RTEL1: variants seen among roughly 807,000 people sequenced by gnomAD.
The protein encoded by RTEL1 is regulator of telomere elongation helicase 1.
In RTEL1, 86 loss-of-function variants were observed where a neutral mutation model predicts 162.2. That is an observed-to-expected ratio of 0.53 (90% CI 0.45 to 0.63). The LOEUF (loss-of-function observed/expected upper bound fraction) is 0.63. RTEL1 is among the 30% of genes least tolerant of loss of function. The probability of loss-of-function intolerance (pLI) is 0.00; values close to 1 mark genes in which losing one functional copy is unlikely to be tolerated. For missense variants in RTEL1, 1,941 were observed against 1,750.2 expected, an observed-to-expected ratio of 1.11 and a Z score of -1.95; for synonymous variants, 958 against 717.9, an observed-to-expected ratio of 1.33 and a Z score of -5.35.
chr20:63,689,421 G>A (rs750335088), intron 22 of RTEL1, 81 bp from the exon 23 acceptor site: 56 of 1,431,188 alleles, frequency 3.9e-5, no homozygotes, highest in Middle Eastern at 2.3e-4. Flanking sequence ...ACGGAGCCTC[G>A]GGGAAGGTGG....
chr20:63,689,174 T>G, intron 22 of RTEL1, 42 bp downstream of exon 22: 1 of 1,577,644 alleles, frequency 6.3e-7, no homozygotes, highest in Non-Finnish European at 8.6e-7. Flanking sequence ...GGTTGCCTGT[T>G]CCCTGGTGGG....
intron 26 of RTEL1, 115 bp downstream of exon 26, chr20:63,690,556 C>A: frequency 7.6e-7 from 1 of 1,317,232 alleles, no homozygotes; most frequent in Non-Finnish European, 1.0e-6. Flanking sequence ...TGCGCTTCCC[C>A]TCCCACCTCC....
rs201444695 is a variant in RTEL1, at chr20:63,680,634, T to C, written c.1136-30T>C. On this transcript the variant is annotated intron_variant, in intron 13 of 34. Transcript: ENST00000360203. The stretch of plus-strand genomic sequence containing the variant: ...GGGTCGGGGCCTCCCCTGCCTGCAG[T>C]GTGGGTGTCAGCGCCCTGCTGCCCT... 17 of 1,611,544 alleles carry C rather than the reference T, an allele frequency of 1.1e-5. No individual in the cohort carries two copies. The East Asian group carries it at 2.0e-4, about 19-fold the overall frequency.
chr20:63,661,690 C>A lies in RTEL1; in HGVS notation c.302-160C>A. ...GTTGGGCTTTTTTGCTGAATTAGGG[C>A]ACGGCAGATGCCCACTTCACCCATT... is the stretch of plus-strand genomic sequence containing the variant. On this transcript the variant is annotated intron_variant, in intron 3 of 34. Transcript: ENST00000360203. This position sits in a 1 kb window ranked among gnomAD's most constrained non-coding sequence, Gnocchi z 5.1. 1.2e-6 allele frequency: 1 copy of A among 859,298 alleles called. No individual in the cohort carries two copies. The highest frequency in any genetic ancestry group is 1.8e-6 in the Non-Finnish European group (1 of 546,846). 53.2% of individuals were successfully genotyped at this position (859,298 alleles called of 1,614,324 possible). A position where few individuals can be genotyped will look rare whatever the true frequency, so the allele number is the denominator to read the frequency against.
chr20:63,691,731 GTCC>G lies in RTEL1; in HGVS notation c.2557-5_2557-3del, dbSNP rs1279921309. ...GGGTCTGTGTGTGGTTGTGAGCTGT[GTCC>G]TCCTCAGGCCCACAGCTGCTCCACC... is the stretch of plus-strand genomic sequence containing the variant. On this transcript the variant is annotated splice_polypyrimidine_tract_variant and splice_region_variant and intron_variant, in intron 27 of 34. Coordinates refer to ENST00000360203, the MANE Select transcript of RTEL1 (RefSeq NM_001283009.2). 8.7e-6 allele frequency: 14 copies of G among 1,610,902 alleles called. No individual in the cohort carries two copies. Among genetic ancestry groups the G allele is most frequent in the South Asian group, 3.3e-5 (3 of 91,036 alleles).
chr20:63,683,633 G>A (rs183604508), intron 14 of RTEL1, among the ~76,000 whole-genome samples: 6 of 152,320 alleles, frequency 3.9e-5, no homozygotes, highest in Admixed American at 1.3e-4. Flanking sequence ...GAATGATTCC[G>A]GCTTCTTGGT....
chr20:63,667,083 C>A (rs1037686405), intron 7 of RTEL1, among the ~76,000 whole-genome samples: 1 of 152,066 alleles, frequency 6.6e-6, no homozygotes, highest in Non-Finnish European at 1.5e-5. Flanking sequence ...TTGTGATCCG[C>A]CCACCTCGGC....
intron 8 of RTEL1, among the ~76,000 whole-genome samples, chr20:63,671,883 TTTG>T (rs1439607523): frequency 6.6e-6 from 1 of 151,540 alleles, no homozygotes; most frequent in Non-Finnish European, 1.5e-5. Flanking sequence ...TGGGTTTTGT[TTTG>T]TTTTGTTTTG....
rs747743374 is a variant in RTEL1 at position 63,694,419 on chromosome 20, C to T, written c.3040C>T (p.Gln1014Ter). ...PKLTVSTAAA[Q>*]QLDPQEHLNQ... ...GCTGACCGTGTCCACGGCTGCAGCC[C>T]AGCAGCTGGACCCCCAAGAGCACCT... The change falls in exon 31 of 35, where the codon CAG becomes TAG. Residue 1014 changes from glutamine (Q) to a stop codon, truncating the protein, a stop_gained. Coordinates refer to ENST00000360203, the MANE Select transcript of RTEL1 (RefSeq NM_001283009.2). LOFTEE classifies it high-confidence loss of function. The T allele has an allele frequency of 1.2e-6, 2 of 1,612,440 alleles. No individual in the cohort carries two copies. Among genetic ancestry groups the T allele is most frequent in the Non-Finnish European group, 8.5e-7 (1 of 1,179,672 alleles).
intron 29 of RTEL1, 55 bp downstream of exon 29, chr20:63,693,058 G>A (rs1041252714): frequency 1.2e-6 from 2 of 1,609,584 alleles, no homozygotes; most frequent in Admixed American, 1.7e-5. Context: ...CGCCGCGTGT[G>A]GGGTGGGGGC....
chr20:63,662,364 C>G, intron 4 of RTEL1, 182 bp from the exon 5 acceptor site: 1 of 1,242,704 alleles, frequency 8.0e-7, no homozygotes, highest in East Asian at 2.5e-5. Context: ...CGAATCTCCT[C>G]CCTCTGTCCA....
chr20:63,692,228 G>T (rs571085189), intron 28 of RTEL1: 1 of 226,986 alleles, frequency 4.4e-6, no homozygotes, highest in African/African-American at 2.3e-5. Flanking sequence ...CCCCAAGTGT[G>T]GCGGCCTTTG....
rs141717966 is a variant in RTEL1 at position 63,692,830 on chromosome 20, C to T, written c.2678C>T (p.Thr893Met). The T allele has an allele frequency of 2.7e-4, 435 of 1,612,304 alleles. No individual in the cohort carries two copies. The highest frequency in any genetic ancestry group is 8.5e-4 in the East Asian group (38 of 44,878). The change falls in exon 29 of 35, where the codon ACG becomes ATG. Residue 893 changes from threonine to methionine, a missense_variant. Physicochemically the swap from Thr to Met is moderately conservative, Grantham distance 81. Coordinates refer to ENST00000360203, the MANE Select transcript of RTEL1 (RefSeq NM_001283009.2). Reference sequence around the variant, plus strand: ...GAGGAGCCCGTGGCTGGTGCACAGACGGACAGGGCCAAGCTCTTCATGGTG... The same window carrying T: ...GAGGAGCCCGTGGCTGGTGCACAGATGGACAGGGCCAAGCTCTTCATGGTG... The part of the protein sequence containing the change: ...HPEEPVAGAQ[T>M]DRAKLFMVAV...
rs114292675 is a variant in RTEL1, at chr20:63,688,148, G to C, written c.1605G>C (p.Glu535Asp). Residue 535 changes from glutamate (E) to aspartate (D), a missense_variant, in exon 19 of 35, where the codon GAG becomes GAC. Physicochemically the swap from Glu to Asp is conservative, Grantham distance 45 (BLOSUM62 2). Coordinates refer to ENST00000360203, the MANE Select transcript of RTEL1 (RefSeq NM_001283009.2). Reference protein sequence around the residue: ...LSSAFDRRFSEECLSSLGKAL... With the variant: ...LSSAFDRRFSDECLSSLGKAL... ...GCCTCTCCGGCTCTAGGTTTTCCGA[G>C]GAGTGCTTATCCTCCCTGGGGAAGG... The C allele has an allele frequency of 1.9e-6, 3 of 1,612,462 alleles. No individual in the cohort carries two copies. The highest frequency in any genetic ancestry group is 2.5e-6 in the Non-Finnish European group (3 of 1,179,962).
At position 63,694,391 on chromosome 20, in the gene RTEL1, C is replaced by G. The variant is rs1331174859; in HGVS notation, c.3012C>G (p.Pro1004=). 38 of 1,612,310 alleles carry G rather than the reference C, an allele frequency of 2.4e-5. No homozygotes were observed. Among genetic ancestry groups the G allele is most frequent in the Non-Finnish European group, 3.1e-5 (36 of 1,179,700 alleles). ...LDPTGRTAPD[P]KLTVSTAAAQ... ...CATCAGGAAGAACGGCGCCGGATCCCAAGCTGACCGTGTCCACGGCTGCAG... is the reference window on the plus strand; with the variant it reads ...CATCAGGAAGAACGGCGCCGGATCCGAAGCTGACCGTGTCCACGGCTGCAG... The change falls in exon 31 of 35, where the codon CCC becomes CCG. Residue 1004 remains proline, a synonymous_variant. Transcript: ENST00000360203.
chr20:63,660,616 T>G (rs6010995), intron 2 of RTEL1: 12,874 of 152,746 alleles, frequency 0.084, 603 homozygotes, highest in African/African-American at 0.11. Flanking sequence ...AAATGGAGTG[T>G]GTTATGTCTT....
intron 6 of RTEL1, 126 bp downstream of exon 6, chr20:63,663,015 G>C: frequency 1.1e-6 from 1 of 903,116 alleles, no homozygotes; most frequent in Non-Finnish European, 1.8e-6. Context: ...ATGTACCTGG[G>C]CCCTGTCTTC....
chr20:63,690,373 C>T lies in RTEL1; in HGVS notation c.2345C>T (p.Pro782Leu), dbSNP rs764157833. Residue 782 changes from proline (P) to leucine (L), a missense_variant, in exon 26 of 35, where the codon CCC (proline) becomes CTC (leucine). By Grantham distance (98) the Pro-to-Leu change is moderately conservative. Coordinates refer to ENST00000360203, the MANE Select transcript of RTEL1 (RefSeq NM_001283009.2). ...GTCAGCGAGGCCAAGTCGCCTGGCC[C>T]CTTCTTCTCCACCAGGAAAGCTAAG... ...DAVSEAKSPG[P>L]FFSTRKAKSL... 2 of 1,611,744 alleles carry T rather than the reference C, an allele frequency of 1.2e-6. No individual in the cohort carries two copies. Among genetic ancestry groups the T allele is most frequent in the South Asian group, 2.2e-5 (2 of 90,998 alleles).
At chr20:63,677,131 T>A (rs1198878331) in intron 10 of RTEL1, among the ~76,000 whole-genome samples, 2 of 152,152 alleles carry the variant, frequency 1.3e-5, no homozygotes, top group African/African-American at 2.4e-5. Flanking sequence ...TTTTTCACAC[T>A]CATGTCCTGC....
Sources: allele counts gnomAD v4.1 joint callset (sites outside exome capture counted in the v4.1 genomes callset), GRCh38; gene constraint gnomAD v4.1.1; non-coding constraint Gnocchi (gnomAD v3.1); transcripts MANE v1.5; gene names NCBI Gene and HGNC (gene_info 2026-07-23, HGNC 2026-07-21).